The following NPAS2 variants were observed in gnomAD, a reference collection of about 807,000 sequenced individuals.
NPAS2 encodes neuronal PAS domain protein 2.
In NPAS2, 23 loss-of-function variants were observed where a neutral mutation model predicts 107.5. The observed-to-expected ratio is 0.21, with a 90% CI of 0.15 to 0.30. The LOEUF (loss-of-function observed/expected upper bound fraction) is 0.30. NPAS2 is among the 10% of genes least tolerant of loss of function. The pLI is 1.00. For synonymous variants in NPAS2, 403 were observed against 417.5 expected (o/e 0.97, Z 0.42); for missense variants, 756 against 1,043.3 (o/e 0.72, Z 3.79).
At chr2:100,822,519 T>A (rs2104305352) in intron 1 of NPAS2, 1 of 152,372 alleles carries the variant, frequency 6.6e-6, no homozygotes, top group East Asian at 1.9e-4. Context: ...GTAATCTTTA[T>A]AGCTCACTCA....
chr2:100,892,797 G>T (rs1381944198), intron 1 of NPAS2, among the ~76,000 whole-genome samples: 2 of 152,078 alleles, frequency 1.3e-5, no homozygotes, highest in African/African-American at 4.8e-5. Context: ...TCAGCTCGTT[G>T]CGGCCTTTGG....
Position 100,878,350 on chromosome 2 carries a change from A to AC in NPAS2, c.-22-26380dup, listed in dbSNP as rs557954818. Reference sequence around the variant, plus strand: ...CTCTGCAGGCCAGGAGGAGACTGTCACCCACAACGGAATGTCCTTCTTTGG... The same window carrying AC: ...CTCTGCAGGCCAGGAGGAGACTGTCACCCCACAACGGAATGTCCTTCTTTGG... On this transcript the variant is annotated intron_variant, in intron 1 of 20. Coordinates refer to ENST00000335681, the MANE Select transcript of NPAS2 (RefSeq NM_002518.4). 1.3e-4 allele frequency: 125 copies of AC among 985,424 alleles called. No homozygotes were observed. In the African/African-American group the frequency reaches 2.0e-3, roughly 16 times the overall value. 61.0% of individuals were successfully genotyped at this position (985,424 alleles called of 1,614,324 possible).
intron 1 of NPAS2, among the ~76,000 whole-genome samples, chr2:100,834,090 C>T (rs562009993): frequency 6.6e-6 from 1 of 152,298 alleles, no homozygotes; most frequent in Admixed American, 6.5e-5. Flanking sequence ...ACTCCTGGAG[C>T]TTGCCCGGCA....
intron 4 of NPAS2, 67 bp from the exon 5 acceptor site, chr2:100,937,686 T>C: frequency 9.2e-7 from 1 of 1,089,664 alleles, no homozygotes; most frequent in Non-Finnish European, 1.4e-6. Flanking sequence ...TAGTGTCCTC[T>C]GCATCAGTGA....
chr2:100,848,605 C>T (rs1342215192), intron 1 of NPAS2, among the ~76,000 whole-genome samples: 5 of 152,104 alleles, frequency 3.3e-5, no homozygotes, highest in Admixed American at 6.5e-5. Context: ...GGAATACATA[C>T]GTGCCATCAT....
chr2:100,921,647 T>C (rs574968139), intron 2 of NPAS2, among the ~76,000 whole-genome samples: 1 of 152,252 alleles, frequency 6.6e-6, no homozygotes, highest in South Asian at 2.1e-4. Flanking sequence ...GATACATAAA[T>C]GGCCATTAAG....
intron 1 of NPAS2, among the ~76,000 whole-genome samples, chr2:100,899,860 A>G (rs1681660536): frequency 6.6e-6 from 1 of 152,160 alleles, no homozygotes; most frequent in South Asian, 2.1e-4. Flanking sequence ...TGCCTTTTAA[A>G]CAAACTATTC....
intron 1 of NPAS2, among the ~76,000 whole-genome samples, chr2:100,858,075 G>C (rs562204271): frequency 6.6e-6 from 1 of 152,320 alleles, no homozygotes; most frequent in East Asian, 1.9e-4. Flanking sequence ...CAGTTTGTTT[G>C]CATGATAGTC....
Position 100,968,467 on chromosome 2 carries a change from G to T in NPAS2, c.1055+39G>T. ...GCAGGGGTGCGGCTGCGTCCTTGTCGCACCTGGGGGAGGGGTGCAGGATGG... is the reference window on the plus strand; with the variant it reads ...GCAGGGGTGCGGCTGCGTCCTTGTCTCACCTGGGGGAGGGGTGCAGGATGG... On this transcript the variant is annotated intron_variant, in intron 11 of 20. Coordinates refer to ENST00000335681, the MANE Select transcript of NPAS2 (RefSeq NM_002518.4). The surrounding 1 kb of genome is among the most constrained non-coding windows in gnomAD (Gnocchi z 5.3). 1.3e-6 allele frequency: 2 copies of T among 1,599,308 alleles called. No individual in the cohort carries two copies. Among genetic ancestry groups the T allele is most frequent in the Non-Finnish European group, 1.7e-6 (2 of 1,170,196 alleles).
At chr2:100,934,830 C>T in intron 4 of NPAS2, 1 of 985,462 alleles carries the variant, frequency 1.0e-6, no homozygotes, top group South Asian at 4.7e-5. Context: ...GGGTCTCTCT[C>T]CAGCTGCCCA....
intron 1 of NPAS2, among the ~76,000 whole-genome samples, chr2:100,825,912 C>T (rs961301613): frequency 5.3e-5 from 8 of 152,042 alleles, no homozygotes; most frequent in Non-Finnish European, 1.0e-4. Context: ...GGGCAGGGGG[C>T]GGGGAGGTCT....
chr2:100,865,317 G>GA (rs1178859965), intron 1 of NPAS2, among the ~76,000 whole-genome samples: 1 of 152,178 alleles, frequency 6.6e-6, no homozygotes, highest in African/African-American at 2.4e-5. Context: ...GCTGCCGCCT[G>GA]AGCCAGCATG....
At chr2:100,967,344 A>C (rs1573744398) in intron 10 of NPAS2, among the ~76,000 whole-genome samples, 1 of 135,314 alleles carries the variant, frequency 7.4e-6, no homozygotes, top group Admixed American at 8.7e-5. Context: ...CTCCTGCCTC[A>C]GCCTCGTGAG....
At chr2:100,948,139 C>G (rs1278982182) in intron 5 of NPAS2, 96 bp from the exon 6 acceptor site, 1 of 1,364,612 alleles carries the variant, frequency 7.3e-7, no homozygotes, top group Non-Finnish European at 1.0e-6. Context: ...ATTTCAGAAA[C>G]CAGTTCTGCG....
chr2:100,842,112 T>C (rs1677475474), intron 1 of NPAS2, among the ~76,000 whole-genome samples: 1 of 112,982 alleles, frequency 8.9e-6, no homozygotes, highest in Non-Finnish European at 2.2e-5. Flanking sequence ...CACACACACT[T>C]AAGCCCCCAG....
At chr2:100,911,070 T>C (rs1016196218) in intron 2 of NPAS2, among the ~76,000 whole-genome samples, 5 of 152,288 alleles carry the variant, frequency 3.3e-5, no homozygotes, top group Admixed American at 6.5e-5. Flanking sequence ...GCCCCCAAAA[T>C]AATTGCGGAC....
chr2:100,821,097 C>A (rs148101823), intron 1 of NPAS2: 2 of 1,304,514 alleles, frequency 1.5e-6, no homozygotes, highest in Non-Finnish European at 2.0e-6. Context: ...TTTGACCTTT[C>A]TGAAGAGCTG....
chr2:100,868,813 A>G (rs1335776152), intron 1 of NPAS2, among the ~76,000 whole-genome samples: 1 of 152,182 alleles, frequency 6.6e-6, no homozygotes. Flanking sequence ...TCCAGAAATT[A>G]TCTTTTCTTC....
At chr2:100,858,411 C>T (rs1457099637) in intron 1 of NPAS2, among the ~76,000 whole-genome samples, 1 of 152,194 alleles carries the variant, frequency 6.6e-6, no homozygotes, top group African/African-American at 2.4e-5. Context: ...CTCCTTCCAG[C>T]GTGCACTCTC....
Sources: allele counts gnomAD v4.1 joint callset (sites outside exome capture counted in the v4.1 genomes callset), GRCh38; gene constraint gnomAD v4.1.1; non-coding constraint Gnocchi (gnomAD v3.1); transcripts MANE v1.5; gene names NCBI Gene and HGNC (gene_info 2026-07-23, HGNC 2026-07-21).